Variants in SEC31B observed in about 807,000 individuals in gnomAD.
SEC31B encodes the protein protein transport protein Sec31B.
In SEC31B, 113 loss-of-function variants were observed where a neutral mutation model predicts 135.0. That is an observed-to-expected ratio of 0.84 (90% confidence interval 0.72 to 0.98). The LOEUF is 0.98. SEC31B is among the 50% of genes least tolerant of loss of function. The pLI, the probability that SEC31B is intolerant of heterozygous loss-of-function variation, is 0.00. For synonymous variants in SEC31B, 508 were observed against 549.4 expected, an observed-to-expected ratio of 0.92 and a Z score of 1.05; for missense variants, 1,296 against 1,421.1, an observed-to-expected ratio of 0.91 and a Z score of 1.42.
At chr10:100,488,316 G>A (rs778806104) in intron 24 of SEC31B, among the ~76,000 whole-genome samples, 8 of 151,998 alleles carry the variant, frequency 5.3e-5, no homozygotes, top group African/African-American at 9.7e-5. Context: ...AAAATTAGCC[G>A]GGTATGGAGG....
rs377114667 is a variant in SEC31B at position 100,505,934 on chromosome 10, C to A, written c.1044+106G>T. On this transcript the variant is annotated intron_variant, in intron 9 of 25. Coordinates refer to ENST00000370345, the MANE Select transcript of SEC31B (RefSeq NM_015490.4). ...GGTGCAGCCCTCCCAAACCCCGGGCCCTGGTCTCCCAATCTCCAATATCTC... is the reference window on the plus strand; with the variant it reads ...GGTGCAGCCCTCCCAAACCCCGGGCACTGGTCTCCCAATCTCCAATATCTC... The A allele has an allele frequency of 4.5e-5, 71 of 1,561,532 alleles. 2 individuals are homozygous for A. In the East Asian group the frequency reaches 5.6e-4, roughly 12 times the overall value.
At chr10:100,510,440 A>T (rs951012195) in intron 3 of SEC31B, among the ~76,000 whole-genome samples, 4 of 152,232 alleles carry the variant, frequency 2.6e-5, no homozygotes, top group African/African-American at 9.6e-5. Context: ...CCAGAGAAAA[A>T]GATCCCTTTG....
At chr10:100,515,322 T>C (rs183253054) in intron 3 of SEC31B, among the ~76,000 whole-genome samples, 48 of 152,276 alleles carry the variant, frequency 3.2e-4, no homozygotes, top group Admixed American at 9.8e-4. Flanking sequence ...TAGTAGTACA[T>C]GTATACATTT....
rs1589737444 is a variant in SEC31B, at chr10:100,505,442, C to T, written c.1098G>A (p.Glu366=). The change falls in exon 10 of 26, where the codon GAG becomes GAA. Residue 366 remains glutamate (E), a synonymous_variant. Coordinates refer to ENST00000370345, the MANE Select transcript of SEC31B (RefSeq NM_015490.4). ...GQPLPPLQVP[E]QVAQAPLIPP... is the part of the protein sequence containing the mutation. ...GTATCAGTGGTGCTTGTGCCACTTG[C>T]TCTGGCACCTGCAGTGGTGGGAGAG... 6.3e-7 allele frequency: 1 copy of T among 1,596,456 alleles called. No individual in the cohort carries two copies. The highest frequency in any genetic ancestry group is 2.2e-5 in the East Asian group (1 of 44,520).
In SEC31B at chr10:100,488,110, G is replaced by T; in HGVS notation, c.3289-12C>A. 6.2e-7 allele frequency: 1 copy of T among 1,613,312 alleles called. No homozygotes were observed. Reference sequence around the variant, plus strand: ...TTCCTTTTTGTCTTCTGCAGGGAAAGAAATGGATTCCAACCCCAGCCCCTA... The same window carrying T: ...TTCCTTTTTGTCTTCTGCAGGGAAATAAATGGATTCCAACCCCAGCCCCTA... On this transcript the variant is annotated splice_polypyrimidine_tract_variant and intron_variant, in intron 24 of 25. Transcript: ENST00000370345.
Position 100,496,321 on chromosome 10 carries a change from G to A in SEC31B, c.2247C>T (p.Asn749=). The A allele has an allele frequency of 6.2e-7, 1 of 1,614,236 alleles. No homozygotes were observed. The part of the protein sequence containing the change: ...ATTYRVTQYA[N]LLAAQGSLAT... ...CCAGGCTGCCCTGGGCTGCCAGGAG[G>A]TTGGCATACTGAGTGACCCTGTAGG... is the stretch of plus-strand genomic sequence containing the variant. The change falls in exon 18 of 26, where the codon AAC becomes AAT. Residue 749 remains asparagine (N), a synonymous_variant. Coordinates refer to ENST00000370345, the MANE Select transcript of SEC31B (RefSeq NM_015490.4).
chr10:100,487,549 C>T lies in SEC31B; in HGVS notation c.*67G>A. 1 of 1,369,790 alleles carries T rather than the reference C, an allele frequency of 7.3e-7. No homozygotes were observed. The highest frequency in any genetic ancestry group is 1.0e-6 in the Non-Finnish European group (1 of 987,140). 84.9% of individuals were successfully genotyped at this position (1,369,790 alleles called of 1,614,324 possible). A position where few individuals can be genotyped will look rare whatever the true frequency, so the allele number is the denominator to read the frequency against. ...AAGAAACAGAATCTGTTGCAGAAGT[C>T]CCCTCTTCTGCAGGGAGGAGTTATG... On this transcript the variant is annotated 3_prime_UTR_variant, in exon 26 of 26. Transcript: ENST00000370345.
chr10:100,495,573 T>C (rs771687157), intron 18 of SEC31B, 27 bp from the exon 19 acceptor site: 20 of 1,600,462 alleles, frequency 1.2e-5, no homozygotes, highest in Non-Finnish European at 1.7e-5. Flanking sequence ...GGAAGAGCTG[T>C]GTCAAGAAAT....
intron 10 of SEC31B, among the ~76,000 whole-genome samples, chr10:100,503,170 T>C (rs1851554508): frequency 6.6e-6 from 1 of 152,190 alleles, no homozygotes; most frequent in Non-Finnish European, 1.5e-5. Context: ...TCTGTGCCTT[T>C]ACCCACAACA....
At position 100,509,435 on chromosome 10, in the gene SEC31B, T is replaced by C; in HGVS notation, c.280A>G (p.Asn94Asp). 2 of 1,614,090 alleles carry C rather than the reference T, an allele frequency of 1.2e-6. No homozygotes were observed. The highest frequency in any genetic ancestry group is 1.7e-6 in the Non-Finnish European group (2 of 1,180,002). The change falls in exon 4 of 26, where the codon AAT (asparagine) becomes GAT (aspartate). Residue 94 changes from asparagine to aspartate, a missense_variant. Transcript: ENST00000370345. ...SSGVIVGGGD[N>D]GMLILYNVTH... Reference sequence around the variant, plus strand: ...ACATTGTATAGAATAAGCATGCCATTGTCCCCGCCGCCAACAATAACCCCG... The same window carrying C: ...ACATTGTATAGAATAAGCATGCCATCGTCCCCGCCGCCAACAATAACCCCG...
At chr10:100,507,830 T>C (rs1851662444) in intron 6 of SEC31B, 78 bp downstream of exon 6, 1 of 1,586,778 alleles carries the variant, frequency 6.3e-7, no homozygotes, top group East Asian at 2.2e-5. Context: ...GACTCTGGCC[T>C]GGGGCAGAGC....
Position 100,505,225 on chromosome 10 carries a change from T to C in SEC31B, c.1179+136A>G, listed in dbSNP as rs890640389. Reference sequence around the variant, plus strand: ...TCCTTGAGAGGTAAAGTGGGATCCATTCTGAGACAGAGGCAGTGGGAATAC... The same window carrying C: ...TCCTTGAGAGGTAAAGTGGGATCCACTCTGAGACAGAGGCAGTGGGAATAC... On this transcript the variant is annotated intron_variant, in intron 10 of 25. Transcript: ENST00000370345. 21 of 1,115,828 alleles carry C rather than the reference T, an allele frequency of 1.9e-5. No homozygotes were observed. In the African/African-American group the frequency reaches 3.1e-4, roughly 16 times the overall value. 69.1% of individuals were successfully genotyped at this position (1,115,828 alleles called of 1,614,324 possible).
Position 100,499,490 on chromosome 10 carries a change from C to A in SEC31B, c.1485+34G>T, listed in dbSNP as rs200919906. 39 of 1,527,320 alleles carry A rather than the reference C, an allele frequency of 2.6e-5. No homozygotes were observed. The African/African-American group carries it at 5.4e-4, about 21-fold the overall frequency. The allele number at this position is 1,527,320 out of a possible 1,614,324, so 94.6% of individuals were successfully genotyped here. A position where few individuals can be genotyped will look rare whatever the true frequency, so the allele number is the denominator to read the frequency against. On this transcript the variant is annotated intron_variant, in intron 12 of 25. Coordinates refer to ENST00000370345, the MANE Select transcript of SEC31B (RefSeq NM_015490.4). ...GGCAACATTCTCTTCTTCTCTTCAA[C>A]AAGTACATGTTTCTGATGTGAAAAG...
At chr10:100,518,886 TTC>T (rs1399990990) in intron 1 of SEC31B, among the ~76,000 whole-genome samples, 1 of 152,248 alleles carries the variant, frequency 6.6e-6, no homozygotes, top group Non-Finnish European at 1.5e-5. Context: ...CTATCACGTA[TTC>T]TGTGACCAGC....
intron 3 of SEC31B, among the ~76,000 whole-genome samples, chr10:100,512,216 C>T (rs946737804): frequency 7.2e-5 from 11 of 152,140 alleles, no homozygotes; most frequent in Admixed American, 7.2e-4. Flanking sequence ...CTCCATGTTA[C>T]TTGAGGATGG....
intron 11 of SEC31B, among the ~76,000 whole-genome samples, chr10:100,500,368 A>T (rs1000758371): frequency 6.6e-6 from 1 of 151,558 alleles, no homozygotes; most frequent in Non-Finnish European, 1.5e-5. Flanking sequence ...AGGCTGGAGT[A>T]CAGTGGCGCC....
intron 20 of SEC31B, 151 bp from the exon 21 acceptor site, chr10:100,490,473 T>C: frequency 1.0e-6 from 1 of 965,502 alleles, no homozygotes; most frequent in Non-Finnish European, 1.5e-6. Context: ...TACTTTTAAC[T>C]ATATTCCTTA....
rs1015583837 is a variant in SEC31B at position 100,499,250 on chromosome 10, T to C, written c.1494A>G (p.Thr498=). Residue 498 remains threonine (T), a synonymous_variant, in exon 13 of 26, where the codon ACA becomes ACG. Coordinates refer to ENST00000370345, the MANE Select transcript of SEC31B (RefSeq NM_015490.4). ...CTAGCCCCACGTCACTCTTCAACCA[T>C]GTGGCCACCTGCAGGGAGAGACCTC... ...SKDELQKKVA[T]WLKSDVGLGE... is the part of the protein sequence containing the mutation. 6.2e-6 allele frequency: 10 copies of C among 1,611,922 alleles called. No homozygotes were observed. The highest frequency in any genetic ancestry group is 1.7e-5 in the Admixed American group (1 of 59,732).
rs905226909 is a variant in SEC31B, at chr10:100,505,652, C to T, written c.1045-157G>A. On this transcript the variant is annotated intron_variant, in intron 9 of 25. Coordinates refer to ENST00000370345, the MANE Select transcript of SEC31B (RefSeq NM_015490.4). ...CAGGGGATGGGGAAGTGAGTGGTAG[C>T]GAGGGTGGGACTCCCATGCAAGTAG... 7.5e-5 allele frequency: 107 copies of T among 1,423,544 alleles called. 1 individual carries two copies. Among genetic ancestry groups the T allele is most frequent in the Admixed American group, 9.4e-5 (3 of 31,966 alleles). The allele number at this position is 1,423,544 out of a possible 1,614,324, so 88.2% of individuals were successfully genotyped here. A position where few individuals can be genotyped will look rare whatever the true frequency, so the allele number is the denominator to read the frequency against.
Sources: gnomAD v4.1 joint callset for allele counts (sites outside exome capture counted in the v4.1 genomes callset) on GRCh38, gnomAD v4.1.1 for gene constraint, MANE v1.5 for transcripts, NCBI Gene and HGNC (gene_info 2026-07-23, HGNC 2026-07-21) for gene names.